Variants in NR1D1 observed in about 807,000 individuals in gnomAD.
NR1D1 encodes the protein nuclear receptor subfamily 1 group D member 1, also known as Rev-ErbAalpha.
A neutral mutation model predicts 51.1 loss-of-function variants in NR1D1; 17 were observed. The ratio of observed to expected loss-of-function variants is 0.33; its 90% CI spans 0.23 to 0.50. The LOEUF (loss-of-function observed/expected upper bound fraction) is 0.50, where lower values mean the gene tolerates loss of function less well. Ranked by LOEUF, NR1D1 falls within the 20% of genes least tolerant of loss-of-function variation. NR1D1 has a pLI of 0.98. For synonymous variants in NR1D1, 341 were observed against 333.4 expected, an observed-to-expected ratio of 1.02 and a Z score of -0.25; for missense variants, 647 against 830.4, an observed-to-expected ratio of 0.78 and a Z score of 2.71.
chr17:40,100,259 C>T lies in NR1D1; in HGVS notation c.-165G>A. The stretch of plus-strand genomic sequence containing the variant: ...GCAGCAAGGTCTTGGGGTGGCCGGA[C>T]TGCAGCCCTGCAGAAGGGTTGGACG... On this transcript the variant is annotated 5_prime_UTR_variant, in exon 1 of 8. Transcript: ENST00000246672. The T allele has an allele frequency of 1.5e-6, 1 of 660,896 alleles. No homozygotes were observed. Among genetic ancestry groups the T allele is most frequent in the Admixed American group, 2.4e-5 (1 of 41,594 alleles). 40.9% of individuals were successfully genotyped at this position (660,896 alleles called of 1,614,324 possible). A position where few individuals can be genotyped will look rare whatever the true frequency, so the allele number is the denominator to read the frequency against.
chr17:40,098,186 C>CT (rs1389347392), intron 1 of NR1D1, among the ~76,000 whole-genome samples: 1 of 152,198 alleles, frequency 6.6e-6, no homozygotes. Flanking sequence ...AATGAGGTGG[C>CT]TGTGCTCCCG....
chr17:40,097,701 C>T (rs1987792930), intron 1 of NR1D1, among the ~76,000 whole-genome samples: 2 of 152,190 alleles, frequency 1.3e-5, no homozygotes, highest in South Asian at 2.1e-4. Context: ...TTGGGAATAT[C>T]GACTGCAGCT....
Position 40,096,164 on chromosome 17 carries a change from G to C in NR1D1, c.605-77C>G, listed in dbSNP as rs969369683. 37 of 1,553,424 alleles carry C rather than the reference G, an allele frequency of 2.4e-5. No individual in the cohort carries two copies. The Admixed American group carries it at 6.9e-4, about 29-fold the overall frequency. ...TTCTCTTCCTTCCTTCCTCCTGAAAGGGCAAGGCCCTGAAGGCTTGGGGTT... is the reference window on the plus strand; with the variant it reads ...TTCTCTTCCTTCCTTCCTCCTGAAACGGCAAGGCCCTGAAGGCTTGGGGTT... On this transcript the variant is annotated intron_variant, in intron 4 of 7. Coordinates refer to ENST00000246672, the MANE Select transcript of NR1D1 (RefSeq NM_021724.5).
intron 5 of NR1D1, 116 bp downstream of exon 5, chr17:40,095,328 G>A: frequency 7.5e-7 from 1 of 1,337,522 alleles, no homozygotes; most frequent in Non-Finnish European, 1.0e-6. Context: ...ATTTTCTCCT[G>A]GGAAGATGCT....
Position 40,093,497 on chromosome 17 carries a change from C to T in NR1D1, c.1646-215G>A. On this transcript the variant is annotated intron_variant, in intron 7 of 7. Coordinates refer to ENST00000246672, the MANE Select transcript of NR1D1 (RefSeq NM_021724.5). This position sits in a 1 kb window ranked among gnomAD's most constrained non-coding sequence, Gnocchi z 5.9. ...GGAGCGTGGGCTCAGCAGGGCTGGT[C>T]ACCTCCCATCCCGTAAGACCACCTT... is the stretch of plus-strand genomic sequence containing the variant. 1 of 1,435,962 alleles carries T rather than the reference C, an allele frequency of 7.0e-7. No individual in the cohort carries two copies. Among genetic ancestry groups the T allele is most frequent in the Non-Finnish European group, 9.2e-7 (1 of 1,083,164 alleles). 89.0% of individuals were successfully genotyped at this position (1,435,962 alleles called of 1,614,324 possible).
At position 40,096,793 on chromosome 17, in the gene NR1D1, G is replaced by A. The variant is rs200483090; in HGVS notation, c.371-14C>T. 1.7e-5 allele frequency: 28 copies of A among 1,613,326 alleles called. No individual in the cohort carries two copies. The highest frequency in any genetic ancestry group is 1.6e-4 in the Middle Eastern group (1 of 6,082). ...TGCCATTCAGCTCTGTGGAAGAGAC[G>A]GGCAGCAGGTGAGCAGGAGAGGCCA... is the stretch of plus-strand genomic sequence containing the variant. On this transcript the variant is annotated splice_polypyrimidine_tract_variant and intron_variant, in intron 2 of 7. Coordinates refer to ENST00000246672, the MANE Select transcript of NR1D1 (RefSeq NM_021724.5).
intron 1 of NR1D1, among the ~76,000 whole-genome samples, chr17:40,098,221 A>G (rs555357543): frequency 3.9e-5 from 6 of 152,258 alleles, no homozygotes; most frequent in South Asian, 2.1e-4. Context: ...GAAAAAGGTG[A>G]CCTGCCTGCC....
chr17:40,096,770 C>G lies in NR1D1; in HGVS notation c.380G>C (p.Gly127Ala). 1 of 1,614,194 alleles carries G rather than the reference C, an allele frequency of 6.2e-7. No homozygotes were observed. The highest frequency in any genetic ancestry group is 1.1e-5 in the South Asian group (1 of 91,084). The change falls in exon 3 of 8, where the codon GGC (glycine) becomes GCC (alanine). Residue 127 changes from glycine (G) to alanine (A), a missense_variant. By Grantham distance (60) the Gly-to-Ala change is moderately conservative (BLOSUM62 0). This residue lies in a region of NR1D1 where 98 missense variants were observed against 94.7 expected (regional missense o/e 1.03). Coordinates refer to ENST00000246672, the MANE Select transcript of NR1D1 (RefSeq NM_021724.5). ...KSTSNITKLN[G>A]MVLLCKVCGD... ...ACACACTTTACACAGTAACACCATG[C>G]CATTCAGCTCTGTGGAAGAGACGGG...
At chr17:40,096,904 A>G in intron 2 of NR1D1, 125 bp from the exon 3 acceptor site, 1 of 1,181,382 alleles carries the variant, frequency 8.5e-7, no homozygotes, top group Admixed American at 1.9e-5. Context: ...GTTGAGGGGC[A>G]CTGGAGTGAC....
At chr17:40,099,907 C>A (rs1987843414) in intron 1 of NR1D1, among the ~76,000 whole-genome samples, 157 bp downstream of exon 1, 1 of 152,136 alleles carries the variant, frequency 6.6e-6, no homozygotes, top group South Asian at 2.1e-4. Context: ...CCGAACAAGC[C>A]GCTCTGGAAA....
intron 5 of NR1D1, 105 bp downstream of exon 5, chr17:40,095,321 TTCTCCTGGGAAGATGCTA>T (rs1274403871): frequency 7.6e-7 from 1 of 1,315,852 alleles, no homozygotes; most frequent in African/African-American, 1.5e-5. Flanking sequence ...GCAAGACATT[TTCTCCTGGGAAGATGCTA>T]TCCCCACACT....
Position 40,092,801 on chromosome 17 carries a change from G to C in NR1D1, c.*282C>G, listed in dbSNP as rs1289023859. Reference sequence around the variant, plus strand: ...ACACCACAGAAGCCAGCTCAGCTGTGAACTATTGGATTTGAGACAGGAACA... The same window carrying C: ...ACACCACAGAAGCCAGCTCAGCTGTCAACTATTGGATTTGAGACAGGAACA... On this transcript the variant is annotated 3_prime_UTR_variant, in exon 8 of 8. Coordinates refer to ENST00000246672, the MANE Select transcript of NR1D1 (RefSeq NM_021724.5). 2.1e-5 allele frequency: 14 copies of C among 679,902 alleles called. No individual in the cohort carries two copies. Among genetic ancestry groups the C allele is most frequent in the Non-Finnish European group, 7.0e-6 (3 of 427,320 alleles). The allele number at this position is 679,902 out of a possible 1,614,324, so 42.1% of individuals were successfully genotyped here.
At chr17:40,097,910 A>G (rs1414317265) in intron 1 of NR1D1, among the ~76,000 whole-genome samples, 2 of 152,220 alleles carry the variant, frequency 1.3e-5, no homozygotes, top group African/African-American at 4.8e-5. Context: ...AGACAGTCAC[A>G]TTCCCCCCAG....
chr17:40,094,148 C>G, intron 6 of NR1D1, 26 bp from the exon 7 acceptor site: 1 of 1,610,002 alleles, frequency 6.2e-7, no homozygotes, highest in Non-Finnish European at 8.5e-7. Flanking sequence ...AACAGTCATC[C>G]TGGGTGTGGT....
rs766624331 is a variant in NR1D1, at chr17:40,097,364, G to C, written c.71C>G (p.Pro24Arg). The change falls in exon 2 of 8, where the codon CCA (proline) becomes CGA (arginine). Residue 24 changes from proline to arginine, a missense_variant. By Grantham distance (103) the Pro-to-Arg change is moderately radical. This residue lies in a region of NR1D1 where 40 missense variants were observed against 69.0 expected (regional missense o/e 0.58). Coordinates refer to ENST00000246672, the MANE Select transcript of NR1D1 (RefSeq NM_021724.5). Reference protein sequence around the residue: ...ITYIGSSGSSPSRTSPESLYS... With the variant: ...ITYIGSSGSSRSRTSPESLYS... ...GAGGGATTCAGGGCTGGTGCGGCTT[G>C]GGGAGGAGCCACTGGAGCCAATGTA... The C allele has an allele frequency of 6.2e-7, 1 of 1,612,182 alleles. No homozygotes were observed. Among genetic ancestry groups the C allele is most frequent in the South Asian group, 1.1e-5 (1 of 90,970 alleles).
At chr17:40,096,627 C>T (rs777529834) in intron 3 of NR1D1, 40 bp from the exon 4 acceptor site, 3 of 1,613,668 alleles carry the variant, frequency 1.9e-6, no homozygotes, top group African/African-American at 2.7e-5. Flanking sequence ...TCCATCATGG[C>T]TGGGCCTCTG....
chr17:40,099,925 C>G, intron 1 of NR1D1, 139 bp downstream of exon 1: 6 of 714,474 alleles, frequency 8.4e-6, no homozygotes, highest in South Asian at 8.0e-5. Flanking sequence ...AAATCCCACA[C>G]TAAAGCACCG....
chr17:40,096,538 A>G lies in NR1D1; in HGVS notation c.509T>C (p.Leu170Pro). The G allele has an allele frequency of 6.2e-7, 1 of 1,614,196 alleles. No homozygotes were observed. The change falls in exon 4 of 8, where the codon CTG (leucine) becomes CCG (proline). Residue 170 changes from leucine (L) to proline (P), a missense_variant. Physicochemically the swap from Leu to Pro is moderately conservative, Grantham distance 98. Transcript: ENST00000246672. ...IQQNIQYKRC[L>P]KNENCSIVRI... ...GACGATGGAGCAATTCTCATTCTTC[A>G]GACACCTTTTGTACTGGATGTTCTG...
chr17:40,093,816 G>T lies in NR1D1; in HGVS notation c.1645+96C>A. The T allele has an allele frequency of 8.9e-7, 1 of 1,124,200 alleles. No individual in the cohort carries two copies. The highest frequency in any genetic ancestry group is 1.3e-6 in the Non-Finnish European group (1 of 761,256). The allele number at this position is 1,124,200 out of a possible 1,614,324, so 69.6% of individuals were successfully genotyped here. A position where few individuals can be genotyped will look rare whatever the true frequency, so the allele number is the denominator to read the frequency against. On this transcript the variant is annotated intron_variant, in intron 7 of 7. Coordinates refer to ENST00000246672, the MANE Select transcript of NR1D1 (RefSeq NM_021724.5). The surrounding 1 kb of genome is among the most constrained non-coding windows in gnomAD (Gnocchi z 5.9). ...ATCATGTCTGTATCCCCAGTGCCCG[G>T]TGCAGGGCCTGGCATAGAGTAGGTA...
Sources: allele counts gnomAD v4.1 joint callset (sites outside exome capture counted in the v4.1 genomes callset), GRCh38; gene constraint gnomAD v4.1.1; regional missense constraint gnomAD v4.1.1; non-coding constraint Gnocchi (gnomAD v3.1); transcripts MANE v1.5; gene names NCBI Gene and HGNC (gene_info 2026-07-23, HGNC 2026-07-21).